Variants in STAM observed in about 807,000 individuals in gnomAD.
STAM encodes the protein signal transducing adapter molecule 1.
A neutral mutation model predicts 63.4 loss-of-function variants in STAM; 16 were observed. That is an observed-to-expected ratio of 0.25 (90% CI 0.17 to 0.38). The LOEUF is 0.38. STAM is among the 10% of genes least tolerant of loss of function. The probability of loss-of-function intolerance (pLI) is 1.00; values close to 1 mark genes in which losing one functional copy is unlikely to be tolerated. For missense variants in STAM, 636 were observed against 657.1 expected (o/e 0.97, Z 0.35); for synonymous variants, 238 against 223.9 (o/e 1.06, Z -0.56).
chr10:17,645,123 A>T (rs533173960), intron 1 of STAM, among the ~76,000 whole-genome samples: 10 of 152,192 alleles, frequency 6.6e-5, no homozygotes, highest in Middle Eastern at 3.4e-3. Flanking sequence ...TTTGGTTTTT[A>T]ATTTTATTTT....
intron 2 of STAM, among the ~76,000 whole-genome samples, chr10:17,680,265 AT>A (rs200616074): frequency 0.13 from 20,079 of 152,046 alleles, 1,533 homozygotes; most frequent in East Asian, 0.26. Context: ...TACCTGCATA[AT>A]GTTGTGAACT....
intron 12 of STAM, among the ~76,000 whole-genome samples, chr10:17,707,358 C>G (rs71495283): frequency 0.042 from 6,446 of 151,902 alleles, 194 homozygotes; most frequent in East Asian, 0.19. Context: ...TGCAGTGAGC[C>G]GAGATCGTGC....
chr10:17,680,613 C>T (rs1835047579), intron 2 of STAM, among the ~76,000 whole-genome samples: 1 of 151,950 alleles, frequency 6.6e-6, no homozygotes, highest in Admixed American at 6.6e-5. Flanking sequence ...CACTATATTG[C>T]CCAGGCTGGT....
chr10:17,683,388 C>T (rs1835165608), intron 2 of STAM, among the ~76,000 whole-genome samples: 1 of 152,078 alleles, frequency 6.6e-6, no homozygotes, highest in South Asian at 2.1e-4. Flanking sequence ...TCCCAAACTT[C>T]CGGACTCAAG....
rs1833679261 is a variant in STAM, at chr10:17,650,105, A to G, written c.40+5726A>G. ...GACATTTTTTTAGTCTGCTTTGCTTAGTCCAGTCAGCCTCATAAATCATAA... is the reference window on the plus strand; with the variant it reads ...GACATTTTTTTAGTCTGCTTTGCTTGGTCCAGTCAGCCTCATAAATCATAA... On this transcript the variant is annotated intron_variant, in intron 1 of 13. Transcript: ENST00000377524. Among the ~76,000 whole-genome samples, 3 of 152,242 alleles carry G rather than the reference A, an allele frequency of 2.0e-5. No homozygotes were observed. In the South Asian group the frequency reaches 6.2e-4, roughly 31 times the overall value.
At chr10:17,692,492 G>T (rs566219694) in intron 5 of STAM, among the ~76,000 whole-genome samples, 3 of 152,264 alleles carry the variant, frequency 2.0e-5, no homozygotes, top group East Asian at 3.9e-4. Context: ...GCAGTTTCTG[G>T]TAACTGGCAG....
intron 5 of STAM, 127 bp from the exon 6 acceptor site, chr10:17,693,095 A>C (rs1835610480): frequency 2.9e-6 from 2 of 683,558 alleles, no homozygotes; most frequent in Non-Finnish European, 5.0e-6. Flanking sequence ...AAGCTGCTGC[A>C]GTTTGGATTT....
At chr10:17,704,012 G>C (rs1044139051) in intron 9 of STAM, among the ~76,000 whole-genome samples, 2 of 152,238 alleles carry the variant, frequency 1.3e-5, no homozygotes, top group Non-Finnish European at 2.9e-5. Flanking sequence ...GACATAAGAG[G>C]TGGAAGAACT....
At chr10:17,650,803 C>T (rs907450012) in intron 1 of STAM, among the ~76,000 whole-genome samples, 9 of 152,124 alleles carry the variant, frequency 5.9e-5, no homozygotes, top group African/African-American at 1.9e-4. Flanking sequence ...CGGTGGCTCA[C>T]GCCTATAATC....
At chr10:17,697,508 CAA>C (rs1835813078) in intron 8 of STAM, among the ~76,000 whole-genome samples, 1 of 152,148 alleles carries the variant, frequency 6.6e-6, no homozygotes. Flanking sequence ...GTTTGATTTA[CAA>C]ACCCTGCTGA....
chr10:17,684,987 T>A, intron 4 of STAM, 60 bp downstream of exon 4: 3 of 1,386,478 alleles, frequency 2.2e-6, no homozygotes, highest in Non-Finnish European at 3.0e-6. Context: ...CATATTTTAT[T>A]GTTTAAATCT....
chr10:17,666,385 GTAT>G, intron 2 of STAM, among the ~76,000 whole-genome samples: 1 of 102,338 alleles, frequency 9.8e-6, no homozygotes, highest in African/African-American at 3.8e-5. Context: ...CCTTGGCTTT[GTAT>G]TTTTTTTTTT....
chr10:17,710,748 C>T (rs1485274465), intron 13 of STAM, among the ~76,000 whole-genome samples: 1 of 152,190 alleles, frequency 6.6e-6, no homozygotes, highest in Non-Finnish European at 1.5e-5. Flanking sequence ...CAGTTTTACA[C>T]TGGCTAGGAA....
At chr10:17,671,149 C>T (rs1271052709) in intron 2 of STAM, among the ~76,000 whole-genome samples, 1 of 152,138 alleles carries the variant, frequency 6.6e-6, no homozygotes, top group East Asian at 1.9e-4. Flanking sequence ...CTGCTAGGTC[C>T]TGGTATACTA....
At chr10:17,677,797 A>G (rs145432814) in intron 2 of STAM, among the ~76,000 whole-genome samples, 1,672 of 152,300 alleles carry the variant, frequency 0.011, 30 homozygotes, top group East Asian at 0.044. Context: ...CCTCACAGGC[A>G]GTTGAGCATC....
chr10:17,706,414 C>T (rs1219694514), intron 12 of STAM, among the ~76,000 whole-genome samples: 19 of 123,272 alleles, frequency 1.5e-4, no homozygotes, highest in East Asian at 1.3e-3. Flanking sequence ...AGTCTCACTC[C>T]GTGGCCCAGG....
chr10:17,686,338 T>C (rs1554826082), intron 4 of STAM, among the ~76,000 whole-genome samples: 1 of 151,994 alleles, frequency 6.6e-6, no homozygotes. Context: ...CTGAATGTTT[T>C]ACAGTGAACA....
intron 9 of STAM, among the ~76,000 whole-genome samples, chr10:17,702,647 G>T (rs568363295): frequency 7.1e-4 from 108 of 152,290 alleles, no homozygotes; most frequent in African/African-American, 2.3e-3. Context: ...AACAGACTGT[G>T]GAAGACTGTG....
At chr10:17,699,099 C>A (rs1190451035) in intron 8 of STAM, among the ~76,000 whole-genome samples, 3 of 152,100 alleles carry the variant, frequency 2.0e-5, no homozygotes, top group Non-Finnish European at 4.4e-5. Context: ...CTGGCACAGG[C>A]CAGATTTCAG....
Sources: allele counts gnomAD v4.1 joint callset (sites outside exome capture counted in the v4.1 genomes callset), GRCh38; gene constraint gnomAD v4.1.1; transcripts MANE v1.5; gene names NCBI Gene and HGNC (gene_info 2026-07-23, HGNC 2026-07-21).